SLC2A9: variants seen among roughly 807,000 people sequenced by gnomAD.
SLC2A9 encodes the protein solute carrier family 2, facilitated glucose transporter member 9.
SLC2A9 carries 39 observed loss-of-function variants against 50.6 expected under a neutral mutation model. The ratio of observed to expected loss-of-function variants is 0.77; its 90% CI spans 0.60 to 1.01. The LOEUF (loss-of-function observed/expected upper bound fraction) is 1.01, where lower values mean the gene tolerates loss of function less well. Among genes scored for constraint, SLC2A9 ranks in the 50% least tolerant of loss-of-function variants. SLC2A9 has a pLI of 0.00. For synonymous variants in SLC2A9, 324 were observed against 276.9 expected (o/e 1.17, Z -1.69); for missense variants, 686 against 677.6 (o/e 1.01, Z -0.14).
chr4:9,966,608 G>A (rs60125439), intron 5 of SLC2A9, among the ~76,000 whole-genome samples: 1 of 118,586 alleles, frequency 8.4e-6, no homozygotes, highest in Non-Finnish European at 1.8e-5. Flanking sequence ...AGCCAAGGTC[G>A]AGCCCTGCAC....
At chr4:9,773,035 G>A (rs1033609492) in intron 1 of SLC2A9, among the ~76,000 whole-genome samples, 20 of 152,120 alleles carry the variant, frequency 1.3e-4, no homozygotes, top group Admixed American at 1.0e-3. Flanking sequence ...GGACTGTCTC[G>A]TAAGCCCATC....
chr4:10,015,163 T>A (rs1762410174), intron 2 of SLC2A9, among the ~76,000 whole-genome samples: 1 of 152,108 alleles, frequency 6.6e-6, no homozygotes, highest in African/African-American at 2.4e-5. Context: ...CCTTGCTCTG[T>A]CTTTTGGTTG....
intron 3 of SLC2A9, chr4:9,783,681 G>C (rs1381301401): frequency 1.8e-6 from 1 of 564,636 alleles, no homozygotes; most frequent in East Asian, 3.0e-5. Flanking sequence ...CAGCCTACCA[G>C]AGATGGACCA....
At chr4:9,919,235 C>T (rs956451038) in intron 7 of SLC2A9, among the ~76,000 whole-genome samples, 2 of 152,182 alleles carry the variant, frequency 1.3e-5, no homozygotes, top group African/African-American at 4.8e-5. Flanking sequence ...AGGACTCTCC[C>T]AGGATCACTC....
intron 8 of SLC2A9, among the ~76,000 whole-genome samples, chr4:9,904,742 G>T (rs1472506225): frequency 3.3e-5 from 5 of 152,202 alleles, no homozygotes; most frequent in African/African-American, 1.2e-4. Flanking sequence ...ATTCAGAGTA[G>T]CCTCATCCTA....
intron 5 of SLC2A9, among the ~76,000 whole-genome samples, chr4:9,964,648 A>C (rs1387515893): frequency 1.3e-5 from 2 of 152,206 alleles, no homozygotes; most frequent in Non-Finnish European, 2.9e-5. Context: ...ATTCTTGATA[A>C]AAATCAAAAG....
intron 2 of SLC2A9, among the ~76,000 whole-genome samples, chr4:10,011,519 G>A (rs756400156): frequency 6.6e-6 from 1 of 152,194 alleles, no homozygotes; most frequent in Non-Finnish European, 1.5e-5. Context: ...AAAGGTCAAC[G>A]ATTACAATGG....
chr4:10,021,179 T>C (rs1763463602), intron 1 of SLC2A9, 101 bp downstream of exon 1: 3 of 1,268,516 alleles, frequency 2.4e-6, no homozygotes, highest in Non-Finnish European at 2.3e-6. Context: ...ATCCCCCAGC[T>C]ACACGCTGCC....
intron 3 of SLC2A9, among the ~76,000 whole-genome samples, chr4:9,805,060 T>C (rs1050987513): frequency 4.6e-5 from 7 of 152,322 alleles, no homozygotes; most frequent in Middle Eastern, 3.4e-3. Flanking sequence ...GGCCTCGCCC[T>C]CTGCCGGCCT....
intron 1 of SLC2A9, among the ~76,000 whole-genome samples, chr4:10,029,647 G>T (rs1043295522): frequency 6.8e-6 from 1 of 146,356 alleles, no homozygotes; most frequent in Admixed American, 6.8e-5. Context: ...GATGGAGTTT[G>T]GTCTTGTTGC....
downstream of SLC2A9, among the ~76,000 whole-genome samples, chr4:9,822,814 T>C (rs1467654004): frequency 2.6e-5 from 4 of 152,218 alleles, no homozygotes; most frequent in African/African-American, 9.6e-5. Context: ...TTCATCAGTT[T>C]GATCACATTT....
intron 5 of SLC2A9, among the ~76,000 whole-genome samples, chr4:9,974,463 C>T (rs1307602066): frequency 6.7e-6 from 1 of 149,242 alleles, no homozygotes; most frequent in Non-Finnish European, 1.5e-5. Context: ...TTCTATACAC[C>T]AATAATGTTC....
At chr4:10,007,629 G>C (rs1761030979) in intron 2 of SLC2A9, among the ~76,000 whole-genome samples, 1 of 152,234 alleles carries the variant, frequency 6.6e-6, no homozygotes, top group Non-Finnish European at 1.5e-5. Context: ...ACAGTCCTGA[G>C]CCTTCCTCCT....
chr4:9,779,418 T>TC (rs1466010019), downstream of SLC2A9, among the ~76,000 whole-genome samples: 1 of 146,092 alleles, frequency 6.8e-6, no homozygotes, highest in African/African-American at 2.5e-5. Flanking sequence ...ACTTTAAACT[T>TC]TTTTTTTTTT....
chr4:10,019,224 T>C (rs187603967), intron 1 of SLC2A9, 151 bp from the exon 2 acceptor site: 65 of 675,152 alleles, frequency 9.6e-5, no homozygotes, highest in Non-Finnish European at 1.4e-4. Flanking sequence ...GAGACGCAAG[T>C]TGGGGACCTG....
chr4:9,816,569 A>T (rs1266372374), intron 3 of SLC2A9, among the ~76,000 whole-genome samples: 1 of 152,206 alleles, frequency 6.6e-6, no homozygotes, highest in East Asian at 1.9e-4. Context: ...TGGTAAATAC[A>T]TGAGGTGATG....
chr4:9,834,357 A>G (rs1489976568), intron 11 of SLC2A9, among the ~76,000 whole-genome samples: 1 of 152,212 alleles, frequency 6.6e-6, no homozygotes, highest in African/African-American at 2.4e-5. Flanking sequence ...TGTTGAATTA[A>G]TGAATTCGGT....
intron 4 of SLC2A9, among the ~76,000 whole-genome samples, chr4:9,982,870 T>C (rs1320787852): frequency 6.6e-6 from 1 of 152,246 alleles, no homozygotes; most frequent in Non-Finnish European, 1.5e-5. Flanking sequence ...TATTTATTTA[T>C]TTATGTATTT....
rs150317722 is a variant in SLC2A9 at position 9,913,946 on chromosome 4, C to T, written c.1003-5601G>A. Among the ~76,000 whole-genome samples the T allele has an allele frequency of 4.9e-3, 740 of 152,306 alleles. 2 individuals carry two copies. Among genetic ancestry groups the T allele is most frequent in the South Asian group, 7.7e-3 (37 of 4,826 alleles). ...TTCTGAATTTCAGAGAAGAAGGGGGCTTATCTATTGTAAATCCCCAAACCT... is the reference window on the plus strand; with the variant it reads ...TTCTGAATTTCAGAGAAGAAGGGGGTTTATCTATTGTAAATCCCCAAACCT... On this transcript the variant is annotated intron_variant, in intron 7 of 11. Transcript: ENST00000264784.
Sources: allele counts gnomAD v4.1 joint callset (sites outside exome capture counted in the v4.1 genomes callset), GRCh38; gene constraint gnomAD v4.1.1; transcripts MANE v1.5; gene names NCBI Gene and HGNC (gene_info 2026-07-23, HGNC 2026-07-21).